The following SLC17A5 variants were observed in gnomAD, a reference collection of about 807,000 sequenced individuals.
SLC17A5 encodes solute carrier family 17 member 5.
A neutral mutation model predicts 59.4 loss-of-function variants in SLC17A5; 47 were observed. That is an observed-to-expected ratio of 0.79 (90% CI 0.63 to 1.01). The LOEUF is 1.01. Among genes scored for constraint, SLC17A5 ranks in the 50% least tolerant of loss-of-function variants. SLC17A5 has a pLI of 0.00. For missense variants in SLC17A5, 522 were observed against 595.5 expected (o/e 0.88, Z 1.28); for synonymous variants, 202 against 210.7 (o/e 0.96, Z 0.36).
chr6:73,647,877 T>G (rs2150123401), intron 1 of SLC17A5, among the ~76,000 whole-genome samples: 1 of 152,298 alleles, frequency 6.6e-6, no homozygotes, highest in East Asian at 1.9e-4. Flanking sequence ...TAGACCAGCC[T>G]GGCCAACAAG....
chr6:73,601,979 G>A (rs1313566415), intron 9 of SLC17A5, among the ~76,000 whole-genome samples: 2 of 152,040 alleles, frequency 1.3e-5, no homozygotes, highest in Non-Finnish European at 2.9e-5. Flanking sequence ...TGACAATGGC[G>A]GTTTTGTGGA....
chr6:73,602,378 T>A (rs993279137), intron 9 of SLC17A5, among the ~76,000 whole-genome samples: 34 of 149,930 alleles, frequency 2.3e-4, no homozygotes, highest in Non-Finnish European at 4.1e-4. Flanking sequence ...TTCCCTCCAC[T>A]ATTGTCCTAT....
chr6:73,601,538 CA>C (rs1767099197), intron 9 of SLC17A5, among the ~76,000 whole-genome samples: 1 of 106,706 alleles, frequency 9.4e-6, no homozygotes, highest in African/African-American at 4.6e-5. Flanking sequence ...CCCGGCCAGC[CA>C]ACCCGTCCGG....
At chr6:73,607,861 C>G (rs1036548724) in intron 9 of SLC17A5, among the ~76,000 whole-genome samples, 8 of 150,540 alleles carry the variant, frequency 5.3e-5, no homozygotes, top group Admixed American at 4.0e-4. Flanking sequence ...ACAGCAACCT[C>G]TGCCTCCCGG....
intron 9 of SLC17A5, among the ~76,000 whole-genome samples, chr6:73,600,757 T>C (rs1459038155): frequency 6.6e-6 from 1 of 152,166 alleles, no homozygotes; most frequent in Non-Finnish European, 1.5e-5. Flanking sequence ...TGCCTCGGCC[T>C]CCCAAAGTGC....
At chr6:73,616,527 G>A (rs1039074244) in intron 7 of SLC17A5, among the ~76,000 whole-genome samples, 3 of 148,690 alleles carry the variant, frequency 2.0e-5, no homozygotes, top group South Asian at 2.1e-4. Context: ...ACTCAAAAGT[G>A]CATTACATGT....
At chr6:73,622,990 T>C (rs1768223152) in intron 6 of SLC17A5, among the ~76,000 whole-genome samples, 1 of 152,208 alleles carries the variant, frequency 6.6e-6, no homozygotes, top group South Asian at 2.1e-4. Context: ...AATGGCATCC[T>C]CACTTGTTTG....
At chr6:73,634,972 C>A (rs1039045590) in intron 6 of SLC17A5, among the ~76,000 whole-genome samples, 1 of 152,020 alleles carries the variant, frequency 6.6e-6, no homozygotes, top group African/African-American at 2.4e-5. Flanking sequence ...AATCACTACA[C>A]TAAAAGGTTT....
chr6:73,644,720 C>A (rs1237184953), intron 1 of SLC17A5, 117 bp from the exon 2 acceptor site: 2 of 915,166 alleles, frequency 2.2e-6, no homozygotes, highest in African/African-American at 3.3e-5. Flanking sequence ...CATCCACCCA[C>A]CTCAGCCTCC....
intron 9 of SLC17A5, 67 bp from the exon 10 acceptor site, chr6:73,600,508 CTTTTTTTTTT>C: frequency 3.8e-6 from 3 of 793,040 alleles, no homozygotes; most frequent in South Asian, 1.6e-5. Context: ...TTCTTTCCTT[CTTTTTTTTTT>C]TTTTTTTTGA....
intron 1 of SLC17A5, 55 bp downstream of exon 1, chr6:73,653,738 C>A: frequency 6.7e-7 from 1 of 1,495,000 alleles, no homozygotes; most frequent in Non-Finnish European, 9.1e-7. Flanking sequence ...GCCCAGAGAC[C>A]GCCGCCCCCG....
At chr6:73,601,438 G>A (rs1217457678) in intron 9 of SLC17A5, among the ~76,000 whole-genome samples, 63 of 139,082 alleles carry the variant, frequency 4.5e-4, no homozygotes, top group African/African-American at 1.6e-3. Flanking sequence ...CGCCCGGCCA[G>A]CCGCCCCGTC....
At chr6:73,627,297 T>A (rs664953) in intron 6 of SLC17A5, among the ~76,000 whole-genome samples, 1 of 151,778 alleles carries the variant, frequency 6.6e-6, no homozygotes, top group Non-Finnish European at 1.5e-5. Flanking sequence ...GGATGGTCTC[T>A]ATCTGTTGAC....
chr6:73,616,882 C>T (rs1767896218), intron 7 of SLC17A5, among the ~76,000 whole-genome samples: 1 of 151,942 alleles, frequency 6.6e-6, no homozygotes, highest in Non-Finnish European at 1.5e-5. Flanking sequence ...GCTGGGATTA[C>T]AGGGATGAGC....
At chr6:73,601,449 CGGGA>C (rs2150077372) in intron 9 of SLC17A5, among the ~76,000 whole-genome samples, 1 of 135,968 alleles carries the variant, frequency 7.4e-6, no homozygotes, top group African/African-American at 2.7e-5. Context: ...CCGCCCCGTC[CGGGA>C]GGGAGGTGGG....
At chr6:73,621,658 T>A in intron 7 of SLC17A5, 146 bp downstream of exon 7, 2 of 649,800 alleles carry the variant, frequency 3.1e-6, no homozygotes, top group South Asian at 4.0e-5. Context: ...TTCTTAATAG[T>A]CCTTTGATGT....
At chr6:73,609,391 T>TAA (rs1767542453) in intron 9 of SLC17A5, among the ~76,000 whole-genome samples, 1 of 152,184 alleles carries the variant, frequency 6.6e-6, no homozygotes. Context: ...TCACTTAACT[T>TAA]CTCTTAAGTT....
chr6:73,625,262 C>T (rs1768351054), intron 6 of SLC17A5, among the ~76,000 whole-genome samples: 2 of 152,176 alleles, frequency 1.3e-5, no homozygotes, highest in Admixed American at 6.5e-5. Flanking sequence ...TCTTGGCTCA[C>T]TGCAACCTCT....
chr6:73,615,059 T>C (rs1329626207), intron 8 of SLC17A5, among the ~76,000 whole-genome samples: 2 of 152,096 alleles, frequency 1.3e-5, no homozygotes, highest in Admixed American at 1.3e-4. Context: ...CCTCAACCTA[T>C]AGGATCTGAT....
Sources: allele counts gnomAD v4.1 joint callset (sites outside exome capture counted in the v4.1 genomes callset), GRCh38; gene constraint gnomAD v4.1.1; transcripts MANE v1.5; gene names NCBI Gene and HGNC (gene_info 2026-07-23, HGNC 2026-07-21).